LRFN5: variants seen among roughly 807,000 people sequenced by gnomAD.
LRFN5 encodes leucine rich repeat and fibronectin type III domain containing 5.
LRFN5 carries 24 observed loss-of-function variants against 45.6 expected under a neutral mutation model. The ratio of observed to expected loss-of-function variants is 0.53; its 90% confidence interval spans 0.38 to 0.74. LRFN5 has a LOEUF of 0.74. Ranked by LOEUF, LRFN5 falls within the 30% of genes least tolerant of loss-of-function variation. The pLI, the probability that LRFN5 is intolerant of heterozygous loss-of-function variation, is 0.00. For missense variants in LRFN5, 776 were observed against 861.5 expected, an observed-to-expected ratio of 0.90 and a Z score of 1.24; for synonymous variants, 340 against 313.8, an observed-to-expected ratio of 1.08 and a Z score of -0.88.
intron 1 of LRFN5, among the ~76,000 whole-genome samples, chr14:41,642,295 G>C (rs956757226): frequency 1.3e-5 from 2 of 152,090 alleles, no homozygotes; most frequent in Admixed American, 6.6e-5. Context: ...ATAAATTCTA[G>C]AGTAAAAGGT....
intron 2 of LRFN5, among the ~76,000 whole-genome samples, chr14:41,856,625 TTG>T (rs1410293401): frequency 6.7e-6 from 1 of 150,150 alleles, no homozygotes. Flanking sequence ...TTGCCGAGTT[TTG>T]TTAGTGAGTC....
intron 1 of LRFN5, among the ~76,000 whole-genome samples, chr14:41,736,695 A>G (rs770772798): frequency 1.3e-5 from 2 of 152,200 alleles, no homozygotes; most frequent in African/African-American, 2.4e-5. Flanking sequence ...CAGAAATACA[A>G]ACTGCCATCA....
At chr14:41,827,842 C>T (rs1252804972) in intron 2 of LRFN5, among the ~76,000 whole-genome samples, 6 of 151,964 alleles carry the variant, frequency 3.9e-5, no homozygotes, top group Admixed American at 3.9e-4. Flanking sequence ...AACTAGTTCT[C>T]ATTTACATCT....
intron 2 of LRFN5, among the ~76,000 whole-genome samples, chr14:41,808,614 C>A (rs906242545): frequency 1.3e-5 from 2 of 148,564 alleles, no homozygotes; most frequent in Non-Finnish European, 3.0e-5. Context: ...AGGAAGGGAC[C>A]TATGAAATTA....
At chr14:41,890,677 A>G (rs1890748334) in intron 3 of LRFN5, among the ~76,000 whole-genome samples, 1 of 151,304 alleles carries the variant, frequency 6.6e-6, no homozygotes, top group African/African-American at 2.4e-5. Context: ...ACTGCACTCC[A>G]GCCTGGGCGA....
chr14:41,884,876 T>G (rs1403381495), intron 2 of LRFN5, among the ~76,000 whole-genome samples: 1 of 152,148 alleles, frequency 6.6e-6, no homozygotes, highest in African/African-American at 2.4e-5. Flanking sequence ...AATATATGTT[T>G]AAGTTATTGC....
rs567747349 is a variant in LRFN5, at chr14:41,892,073, C to A, written c.2098+111C>A. 17 of 1,478,414 alleles carry A rather than the reference C, an allele frequency of 1.1e-5. No individual in the cohort carries two copies. The African/African-American group carries it at 2.4e-4, about 21-fold the overall frequency. The allele number at this position is 1,478,414 out of a possible 1,614,324, so 91.6% of individuals were successfully genotyped here. A position where few individuals can be genotyped will look rare whatever the true frequency, so the allele number is the denominator to read the frequency against. On this transcript the variant is annotated intron_variant, in intron 4 of 5. Transcript: ENST00000298119. ...TATTAACTCGCCGAACACATGTGGACTGTTTCCTAAAAGAAGCATGTCTAT... is the reference window on the plus strand; with the variant it reads ...TATTAACTCGCCGAACACATGTGGAATGTTTCCTAAAAGAAGCATGTCTAT...
rs2138882560 is a variant in LRFN5 at position 41,767,029 on chromosome 14, A to G, written c.-21A>G. The G allele has an allele frequency of 6.5e-6, 1 of 152,744 alleles. No homozygotes were observed. The highest frequency in any genetic ancestry group is 1.9e-4 in the East Asian group (1 of 5,188). The allele number at this position is 152,744 out of a possible 1,614,324, so 9.5% of individuals were successfully genotyped here. On this transcript the variant is annotated splice_region_variant and 5_prime_UTR_variant, in exon 2 of 6. Coordinates refer to ENST00000298119, the MANE Select transcript of LRFN5 (RefSeq NM_152447.5). ...CGTGAGGAACTCTTCAGGCTCCAGA[A>G]GTAAGTTGATTGCATTCAGTTCAAT... is the stretch of plus-strand genomic sequence containing the variant.
intron 2 of LRFN5, among the ~76,000 whole-genome samples, chr14:41,798,658 C>A (rs1008336176): frequency 2.0e-5 from 3 of 151,986 alleles, no homozygotes; most frequent in East Asian, 3.9e-4. Context: ...CAGAAATTAT[C>A]TTGTATTAGT....
chr14:41,734,251 A>T, intron 1 of LRFN5, among the ~76,000 whole-genome samples: 2 of 134,510 alleles, frequency 1.5e-5, no homozygotes, highest in Non-Finnish European at 3.2e-5. Context: ...ACCTCAGGTG[A>T]TCTGCCACCT....
At chr14:41,754,743 G>GT (rs1309213075) in intron 1 of LRFN5, among the ~76,000 whole-genome samples, 4 of 152,146 alleles carry the variant, frequency 2.6e-5, no homozygotes, top group East Asian at 1.9e-4. Context: ...TTTTTGAAGC[G>GT]TTTTTTGTGT....
At chr14:41,744,809 T>G (rs1025644498) in intron 1 of LRFN5, among the ~76,000 whole-genome samples, 12 of 152,162 alleles carry the variant, frequency 7.9e-5, no homozygotes, top group African/African-American at 2.9e-4. Flanking sequence ...GCATTATTTA[T>G]TAATAAAAGT....
chr14:41,871,192 A>T (rs868585212), intron 2 of LRFN5, among the ~76,000 whole-genome samples: 3 of 152,186 alleles, frequency 2.0e-5, no homozygotes, highest in African/African-American at 7.2e-5. Flanking sequence ...TCATTAAAAA[A>T]AATGCTTGCA....
intron 2 of LRFN5, among the ~76,000 whole-genome samples, chr14:41,770,349 A>G (rs1886037999): frequency 6.6e-6 from 1 of 152,178 alleles, no homozygotes; most frequent in African/African-American, 2.4e-5. Flanking sequence ...TCGCTTGCCA[A>G]TAGGCCCCAA....
chr14:41,820,456 G>T (rs1011639287), intron 2 of LRFN5, among the ~76,000 whole-genome samples: 1 of 151,862 alleles, frequency 6.6e-6, no homozygotes, highest in Non-Finnish European at 1.5e-5. Context: ...TCCTTATTCT[G>T]TTCTATTGAT....
rs558066101 is a variant in LRFN5 at position 41,794,159 on chromosome 14, T to C, written c.-21+27130T>C. 3.3e-5 allele frequency among the ~76,000 whole-genome samples: 5 copies of C among 152,200 alleles called. No homozygotes were observed. In the South Asian group the frequency reaches 1.0e-3, roughly 31 times the overall value. ...GCTCCAAAGAGCTGTCCAGACATTT[T>C]ACTGTTTACATTCTAGGATCTGCTA... On this transcript the variant is annotated intron_variant, in intron 2 of 5. Transcript: ENST00000298119.
At chr14:41,741,306 T>A (rs1461957045) in intron 1 of LRFN5, among the ~76,000 whole-genome samples, 51 of 151,660 alleles carry the variant, frequency 3.4e-4, no homozygotes, top group Non-Finnish European at 1.5e-5. Flanking sequence ...CAAAATAGAT[T>A]ATAAAGCAAT....
intron 1 of LRFN5, among the ~76,000 whole-genome samples, chr14:41,706,232 C>T (rs1347145045): frequency 1.3e-5 from 2 of 152,158 alleles, no homozygotes; most frequent in East Asian, 1.9e-4. Context: ...TCCTGAGTAG[C>T]TGGGATTACA....
chr14:41,775,533 A>G (rs538976844), intron 2 of LRFN5, among the ~76,000 whole-genome samples: 2 of 152,288 alleles, frequency 1.3e-5, no homozygotes, highest in African/African-American at 2.4e-5. Context: ...AAGCTTTCAC[A>G]TACTGTTTAA....
Sources: gnomAD v4.1 joint callset for allele counts (sites outside exome capture counted in the v4.1 genomes callset) on GRCh38, gnomAD v4.1.1 for gene constraint, MANE v1.5 for transcripts, NCBI Gene and HGNC (gene_info 2026-07-23, HGNC 2026-07-21) for gene names.